RORA: variants seen among roughly 807,000 people sequenced by gnomAD.
The protein encoded by RORA is RAR related orphan receptor A.
Under a neutral mutation model 69.5 loss-of-function variants are expected in RORA, and 7 were observed. That is an observed-to-expected ratio of 0.10 (90% CI 0.06 to 0.19). RORA has a LOEUF of 0.19. RORA is among the 10% of genes least tolerant of loss of function. The pLI is 1.00. For synonymous variants in RORA, 261 were observed against 240.8 expected, an observed-to-expected ratio of 1.08 and a Z score of -0.78; for missense variants, 457 against 663.0, an observed-to-expected ratio of 0.69 and a Z score of 3.41.
intron 1 of RORA, among the ~76,000 whole-genome samples, chr15:61,160,713 A>G (rs1229063842): frequency 2.0e-5 from 3 of 152,188 alleles, no homozygotes; most frequent in African/African-American, 7.2e-5. Flanking sequence ...GCTATTTTAG[A>G]GCTATCATAA....
intron 1 of RORA, among the ~76,000 whole-genome samples, chr15:61,089,881 G>C (rs2078680343): frequency 6.6e-6 from 1 of 152,230 alleles, no homozygotes; most frequent in South Asian, 2.1e-4. Flanking sequence ...AAAGATGGAG[G>C]GTAGAACATT....
rs544474722 is a variant in RORA at position 61,112,372 on chromosome 15, A to G, written c.166+116681T>C. ...AAGGAAAGTAGCACAGTGCCAGGAA[A>G]GAGGGAGAGTAGGAGAGTGTGCGCG... On this transcript the variant is annotated intron_variant, in intron 1 of 10. Transcript: ENST00000335670. 5.3e-5 allele frequency among the ~76,000 whole-genome samples: 8 copies of G among 152,256 alleles called. No individual in the cohort carries two copies. In the East Asian group the frequency reaches 1.5e-3, roughly 29 times the overall value.
At chr15:61,170,917 C>T (rs1458983265) in intron 1 of RORA, among the ~76,000 whole-genome samples, 3 of 152,180 alleles carry the variant, frequency 2.0e-5, no homozygotes, top group African/African-American at 4.8e-5. Context: ...ACTGGGCACC[C>T]TCTAGATACC....
At chr15:60,739,211 A>T (rs1374998557) in intron 1 of RORA, among the ~76,000 whole-genome samples, 1 of 152,178 alleles carries the variant, frequency 6.6e-6, no homozygotes, top group East Asian at 1.9e-4. Flanking sequence ...TCTGAAGGCA[A>T]CGTAGAAACC....
intron 1 of RORA, among the ~76,000 whole-genome samples, chr15:61,204,549 G>T (rs2079922572): frequency 1.3e-5 from 2 of 152,228 alleles, no homozygotes; most frequent in Non-Finnish European, 2.9e-5. Flanking sequence ...AGGCTGGACA[G>T]GGGACACCTG....
chr15:61,216,514 A>C (rs1250390427), intron 1 of RORA, among the ~76,000 whole-genome samples: 1 of 151,662 alleles, frequency 6.6e-6, no homozygotes, highest in East Asian at 1.9e-4. Context: ...TTTTGGCAGA[A>C]AGGAGAAAGT....
intron 1 of RORA, among the ~76,000 whole-genome samples, chr15:61,001,246 A>C (rs115887501): frequency 0.016 from 2,513 of 152,342 alleles, 63 homozygotes; most frequent in African/African-American, 0.057. Flanking sequence ...CTTTTGAAAA[A>C]TGAATTAAAA....
At chr15:60,738,583 T>C in intron 1 of RORA, among the ~76,000 whole-genome samples, 1 of 152,256 alleles carries the variant, frequency 6.6e-6, no homozygotes, top group East Asian at 1.9e-4. Flanking sequence ...ACAAATATAA[T>C]CCAGGCTGGA....
chr15:60,583,384 A>G (rs945621804), intron 2 of RORA, among the ~76,000 whole-genome samples: 1 of 152,250 alleles, frequency 6.6e-6, no homozygotes, highest in African/African-American at 2.4e-5. Flanking sequence ...AGCAACCTTG[A>G]AAAGACATCA....
At chr15:60,902,155 C>T (rs2140468970) in intron 1 of RORA, among the ~76,000 whole-genome samples, 1 of 152,322 alleles carries the variant, frequency 6.6e-6, no homozygotes, top group Non-Finnish European at 1.5e-5. Flanking sequence ...TACTTCAATT[C>T]CATTCTTCAG....
intron 1 of RORA, among the ~76,000 whole-genome samples, chr15:60,836,771 T>C (rs964617540): frequency 3.9e-5 from 6 of 152,206 alleles, no homozygotes; most frequent in African/African-American, 1.4e-4. Flanking sequence ...TCATAGCTCA[T>C]GTCCATTAGT....
intron 1 of RORA, among the ~76,000 whole-genome samples, chr15:60,924,776 C>T (rs10220727): frequency 0.52 from 79,717 of 151,944 alleles, 23,675 homozygotes; most frequent in Non-Finnish European, 0.69. Context: ...ATTACCATTT[C>T]CAAGGATTTA....
chr15:60,813,111 G>T (rs1157339586), intron 1 of RORA, among the ~76,000 whole-genome samples: 1 of 152,146 alleles, frequency 6.6e-6, no homozygotes, highest in African/African-American at 2.4e-5. Context: ...GCCTCCAAAG[G>T]CACCATAGGA....
intron 1 of RORA, among the ~76,000 whole-genome samples, chr15:60,690,789 A>C (rs753817580): frequency 4.6e-5 from 7 of 152,226 alleles, no homozygotes; most frequent in Non-Finnish European, 1.0e-4. Context: ...CACCCTACAC[A>C]GGAGTGGCTC....
Position 60,492,198 on chromosome 15 carries a change from C to T in RORA, c.*5257G>A, listed in dbSNP as rs2065053625. 6.6e-6 allele frequency: 1 copy of T among 152,164 alleles called. No individual in the cohort carries two copies. Among genetic ancestry groups the T allele is most frequent in the South Asian group, 2.1e-4 (1 of 4,832 alleles). The allele number at this position is 152,164 out of a possible 1,614,324, so 9.4% of individuals were successfully genotyped here. On this transcript the variant is annotated 3_prime_UTR_variant, in exon 11 of 11. Transcript: ENST00000335670. Reference sequence around the variant, plus strand: ...TATCATAGTAAGAAAATATATAAATCTTCTTGTGAATGTGTATCCCAAGGT... The same window carrying T: ...TATCATAGTAAGAAAATATATAAATTTTCTTGTGAATGTGTATCCCAAGGT...
intron 1 of RORA, among the ~76,000 whole-genome samples, chr15:61,093,903 A>G (rs1195311352): frequency 6.6e-6 from 1 of 152,238 alleles, no homozygotes; most frequent in Non-Finnish European, 1.5e-5. Context: ...AATGTCTGCC[A>G]TGTCAATGAC....
chr15:60,925,738 T>C lies in RORA; in HGVS notation c.167-247052A>G, dbSNP rs116385269. ...GCATGAGGGTGTGGAATCCAAGGAC[T>C]ATCAGAATTCCTTCCTGCCCAGATG... On this transcript the variant is annotated intron_variant, in intron 1 of 10. Coordinates refer to ENST00000335670, the MANE Select transcript of RORA (RefSeq NM_134261.3). Among the ~76,000 whole-genome samples, 999 of 152,350 alleles carry C rather than the reference T, an allele frequency of 6.6e-3. 12 individuals are homozygous for C. Among genetic ancestry groups the C allele is most frequent in the African/African-American group, 0.023 (947 of 41,582 alleles).
At chr15:60,887,670 G>A (rs1236156802) in intron 1 of RORA, among the ~76,000 whole-genome samples, 1 of 152,106 alleles carries the variant, frequency 6.6e-6, no homozygotes, top group Non-Finnish European at 1.5e-5. Context: ...GGAGGGAAGG[G>A]GTTTTTAAAA....
At chr15:60,978,814 A>G (rs1007279515) in intron 1 of RORA, among the ~76,000 whole-genome samples, 31 of 152,110 alleles carry the variant, frequency 2.0e-4, no homozygotes, top group African/African-American at 7.0e-4. Context: ...AAATCAATTG[A>G]CCATACATGT....
Sources: allele counts gnomAD v4.1 joint callset (sites outside exome capture counted in the v4.1 genomes callset), GRCh38; gene constraint gnomAD v4.1.1; transcripts MANE v1.5; gene names NCBI Gene and HGNC (gene_info 2026-07-23, HGNC 2026-07-21).